The following FANCA variants were observed in gnomAD, a reference collection of about 807,000 sequenced individuals.
FANCA encodes Fanconi anemia group A protein.
FANCA carries 236 observed loss-of-function variants against 194.3 expected under a neutral mutation model. The observed-to-expected ratio is 1.21, with a 90% CI of 1.09 to 1.35. FANCA has a LOEUF of 1.35. FANCA is among the 40% of genes most tolerant of loss of function. The pLI is 0.00. For synonymous variants in FANCA, 1,014 were observed against 715.8 expected, an observed-to-expected ratio of 1.42 and a Z score of -6.65; for missense variants, 2,628 against 1,813.9, an observed-to-expected ratio of 1.45 and a Z score of -8.15.
intron 20 of FANCA, among the ~76,000 whole-genome samples, chr16:89,777,168 C>T (rs372993624): frequency 1.3e-5 from 2 of 151,568 alleles, no homozygotes; most frequent in African/African-American, 4.9e-5. Flanking sequence ...TGGTGGATCG[C>T]GCCTCTAGAC....
chr16:89,769,843 CAGA>C lies in FANCA; in HGVS notation c.2495_2497del (p.Phe832del), dbSNP rs1310756192. 1 of 1,614,028 alleles carries C rather than the reference CAGA, an allele frequency of 6.2e-7. No individual in the cohort carries two copies. The highest frequency in any genetic ancestry group is 1.3e-5 in the African/African-American group (1 of 75,022). On this transcript the variant is annotated inframe_deletion, in exon 26 of 43. Coordinates refer to ENST00000389301, the MANE Select transcript of FANCA (RefSeq NM_000135.4). Reference sequence around the variant, plus strand: ...CTGTGGAAGAAGAGCTCACTTCAGGCAGAAGAACAAGGAATCCCTCGTCCTACA... The same window carrying C: ...CTGTGGAAGAAGAGCTCACTTCAGGCAGAACAAGGAATCCCTCGTCCTACA...
chr16:89,783,593 T>A (rs2039797386), intron 15 of FANCA, among the ~76,000 whole-genome samples: 1 of 150,680 alleles, frequency 6.6e-6, no homozygotes, highest in Non-Finnish European at 1.5e-5. Context: ...AGAAGGCTGC[T>A]TCCCCAGGTG....
At chr16:89,773,805 G>C (rs1199060635) in intron 21 of FANCA, among the ~76,000 whole-genome samples, 2 of 138,478 alleles carry the variant, frequency 1.4e-5, no homozygotes, top group Non-Finnish European at 3.1e-5. Flanking sequence ...ATGGACTCTT[G>C]CTCTGTCACC....
chr16:89,762,207 G>C (rs1264929424), intron 28 of FANCA, among the ~76,000 whole-genome samples, 185 bp from the exon 29 acceptor site: 1 of 152,178 alleles, frequency 6.6e-6, no homozygotes, highest in East Asian at 1.9e-4. Context: ...TTTCTTACAG[G>C]ATTTCCCTAG....
chr16:89,769,625 TATG>T, intron 26 of FANCA: 2 of 630,322 alleles, frequency 3.2e-6, no homozygotes. Context: ...TTTAGTATAA[TATG>T]ATCTCATTTT....
rs1161525939 is a variant in FANCA, at chr16:89,792,486, G to T, written c.1068C>A (p.Thr356=). 2 of 1,613,408 alleles carry T rather than the reference G, an allele frequency of 1.2e-6. No individual in the cohort carries two copies. The highest frequency in any genetic ancestry group is 2.2e-5 in the South Asian group (2 of 91,028). The change falls in exon 12 of 43, where the codon ACC becomes ACA. Residue 356 remains threonine, a synonymous_variant. Transcript: ENST00000389301. ...ATCCACTCACCCTGCGGTACAGTGA[G>T]GTGAGCAGAGGGTGTGTCCGCGCAA... ...WSFARTHPLL[T]SLYRRLFVML...
chr16:89,745,202 C>G, intron 35 of FANCA, 131 bp from the exon 36 acceptor site: 1 of 822,850 alleles, frequency 1.2e-6, no homozygotes, highest in Non-Finnish European at 2.0e-6. Flanking sequence ...CTCTGGAACT[C>G]CAAAGCCAGT....
intron 28 of FANCA, 92 bp from the exon 29 acceptor site, chr16:89,762,114 C>A: frequency 1.1e-6 from 1 of 949,996 alleles, no homozygotes; most frequent in Non-Finnish European, 1.7e-6. Flanking sequence ...TCATCTCATA[C>A]GCAGTCCTCC....
At chr16:89,793,862 T>C (rs1260618445) in intron 11 of FANCA, among the ~76,000 whole-genome samples, 1 of 152,208 alleles carries the variant, frequency 6.6e-6, no homozygotes, top group African/African-American at 2.4e-5. Context: ...GCGATTCTCC[T>C]GCCTCAGCCT....
At chr16:89,793,715 C>T (rs1034881016) in intron 11 of FANCA, among the ~76,000 whole-genome samples, 9 of 151,946 alleles carry the variant, frequency 5.9e-5, no homozygotes, top group Non-Finnish European at 1.0e-4. Context: ...CAAGTAGCTG[C>T]GACCACAGGC....
intron 17 of FANCA, among the ~76,000 whole-genome samples, chr16:89,782,576 T>A (rs907440722): frequency 4.6e-5 from 7 of 151,826 alleles, no homozygotes; most frequent in African/African-American, 1.7e-4. Flanking sequence ...CACCTCTCCA[T>A]TCAACCCCAC....
intron 14 of FANCA, among the ~76,000 whole-genome samples, chr16:89,786,510 T>C (rs1313470859): frequency 6.6e-6 from 1 of 151,982 alleles, no homozygotes; most frequent in East Asian, 1.9e-4. Context: ...AGAGATGAGG[T>C]TTTGCCATGT....
At chr16:89,776,723 T>C (rs966813455) in intron 20 of FANCA, among the ~76,000 whole-genome samples, 1 of 151,606 alleles carries the variant, frequency 6.6e-6, no homozygotes, top group African/African-American at 2.4e-5. Context: ...CTCAGCTACT[T>C]GGTAGGCTGA....
chr16:89,770,397 T>A, intron 24 of FANCA, 138 bp from the exon 25 acceptor site: 1 of 1,018,468 alleles, frequency 9.8e-7, no homozygotes, highest in Admixed American at 2.0e-5. Context: ...AGACAACCCA[T>A]CTTCTGCAGT....
At chr16:89,770,131 C>T in intron 25 of FANCA, 35 bp downstream of exon 25, 1 of 1,571,480 alleles carries the variant, frequency 6.4e-7, no homozygotes, top group Non-Finnish European at 8.6e-7. Flanking sequence ...TCAGAGTGGG[C>T]CCCCAAGGGT....
intron 14 of FANCA, among the ~76,000 whole-genome samples, chr16:89,785,853 G>GTTGT (rs1555557050): frequency 8.8e-6 from 1 of 113,172 alleles, no homozygotes; most frequent in African/African-American, 3.6e-5. Flanking sequence ...GCAAAATTGT[G>GTTGT]TTTTGTTTTT....
intron 39 of FANCA, 174 bp from the exon 40 acceptor site, chr16:89,739,727 T>TG (rs942826434): frequency 4.9e-5 from 73 of 1,498,998 alleles, no homozygotes; most frequent in Middle Eastern, 4.1e-4. Flanking sequence ...TGGGAGAGGA[T>TG]GGGGGGGTCG....
intron 27 of FANCA, among the ~76,000 whole-genome samples, chr16:89,766,781 ATTC>A (rs2039143918): frequency 6.6e-6 from 1 of 152,202 alleles, no homozygotes; most frequent in African/African-American, 2.4e-5. Flanking sequence ...AGGAATAAGA[ATTC>A]TTCTTTCCAG....
intron 14 of FANCA, among the ~76,000 whole-genome samples, chr16:89,785,949 A>G (rs1567631438): frequency 1.5e-5 from 2 of 131,696 alleles, no homozygotes; most frequent in East Asian, 2.3e-4. Flanking sequence ...CCGCCCACCC[A>G]GGTTTGAACA....
Sources: gnomAD v4.1 joint callset for allele counts (sites outside exome capture counted in the v4.1 genomes callset) on GRCh38, gnomAD v4.1.1 for gene constraint, MANE v1.5 for transcripts, NCBI Gene and HGNC (gene_info 2026-07-23, HGNC 2026-07-21) for gene names.